SAMD12: variants seen among roughly 807,000 people sequenced by gnomAD.
SAMD12 encodes sterile alpha motif domain containing 12.
In SAMD12, 9 loss-of-function variants were observed where a neutral mutation model predicts 15.0. The ratio of observed to expected loss-of-function variants is 0.60; its 90% CI spans 0.36 to 1.05. The LOEUF is 1.05. Among genes scored for constraint, SAMD12 ranks in the 50% least tolerant of loss-of-function variants. The probability of loss-of-function intolerance (pLI) is 0.01; values close to 1 mark genes in which losing one functional copy is unlikely to be tolerated. For synonymous variants in SAMD12, 86 were observed against 90.1 expected (o/e 0.96, Z 0.25); for missense variants, 230 against 234.2 (o/e 0.98, Z 0.12).
chr8:118,492,064 A>C (rs1194854865), intron 2 of SAMD12, among the ~76,000 whole-genome samples: 1 of 149,526 alleles, frequency 6.7e-6, no homozygotes, highest in Non-Finnish European at 1.5e-5. Context: ...ATCATTTTAC[A>C]TTCTCACTCG....
At chr8:118,343,513 C>T (rs1001184822) in intron 4 of SAMD12, among the ~76,000 whole-genome samples, 4 of 152,012 alleles carry the variant, frequency 2.6e-5, no homozygotes, top group Admixed American at 2.0e-4. Flanking sequence ...TCTAGAGTAT[C>T]CCAGCAGTCA....
chr8:118,412,391 G>A (rs1310615614), intron 3 of SAMD12, among the ~76,000 whole-genome samples: 1 of 152,148 alleles, frequency 6.6e-6, no homozygotes, highest in Non-Finnish European at 1.5e-5. Context: ...GATGAGTCTT[G>A]GGGTGGGAGG....
chr8:118,212,226 C>T (rs1002036176), intron 4 of SAMD12, among the ~76,000 whole-genome samples: 1 of 151,998 alleles, frequency 6.6e-6, no homozygotes, highest in Non-Finnish European at 1.5e-5. Flanking sequence ...TCCCAAACTC[C>T]TGGGCTCAAG....
At chr8:118,418,736 G>C (rs2130836544) in intron 3 of SAMD12, among the ~76,000 whole-genome samples, 1 of 149,628 alleles carries the variant, frequency 6.7e-6, no homozygotes, top group South Asian at 2.1e-4. Context: ...AAAAAGAAAA[G>C]TCAGCCAGTT....
intron 4 of SAMD12, among the ~76,000 whole-genome samples, chr8:118,226,247 G>T (rs571727574): frequency 6.6e-6 from 1 of 152,218 alleles, no homozygotes; most frequent in Admixed American, 6.5e-5. Context: ...AATAACTCAG[G>T]ATTAAAATTC....
chr8:118,448,579 C>A lies in SAMD12; in HGVS notation c.193-8618G>T, dbSNP rs572504615. On this transcript the variant is annotated intron_variant, in intron 2 of 3. Coordinates refer to ENST00000314727, the MANE Select transcript of SAMD12 (RefSeq NM_207506.3). The stretch of plus-strand genomic sequence containing the variant: ...AGAAAACTGGTTCAGGTCCCAGCTG[C>A]GCTCTTGACATTCCCAGGTTGGGAC... 3.9e-5 allele frequency among the ~76,000 whole-genome samples: 6 copies of A among 152,340 alleles called. No individual in the cohort carries two copies. The East Asian group carries it at 1.2e-3, about 29-fold the overall frequency.
At chr8:118,602,938 T>C (rs1268862179) in intron 1 of SAMD12, among the ~76,000 whole-genome samples, 1 of 152,072 alleles carries the variant, frequency 6.6e-6, no homozygotes, top group African/African-American at 2.4e-5. Context: ...AAAATAAAAA[T>C]ATCATTAAGA....
intron 1 of SAMD12, 36 bp from the exon 2 acceptor site, chr8:118,580,929 A>G (rs766859100): frequency 6.5e-7 from 1 of 1,540,796 alleles, no homozygotes; most frequent in South Asian, 1.2e-5. Context: ...CAGAAAACAA[A>G]CCACATAAAG....
At chr8:118,320,582 C>T (rs1001180220) in intron 4 of SAMD12, among the ~76,000 whole-genome samples, 1 of 146,850 alleles carries the variant, frequency 6.8e-6, no homozygotes, top group African/African-American at 2.5e-5. Flanking sequence ...AAACCAAACA[C>T]TGCATGTTCT....
chr8:118,173,783 C>T, the SAMD12 span, among the ~76,000 whole-genome samples: 1 of 151,788 alleles, frequency 6.6e-6, no homozygotes, highest in Admixed American at 6.6e-5. Flanking sequence ...GCACGTGCCA[C>T]CACACCTGGC....
At chr8:118,585,252 A>G (rs1054703776) in intron 1 of SAMD12, among the ~76,000 whole-genome samples, 3 of 152,234 alleles carry the variant, frequency 2.0e-5, no homozygotes, top group Non-Finnish European at 4.4e-5. Context: ...CTACAGAGAA[A>G]GAAAATAGAA....
At chr8:118,386,241 T>C (rs1819949292) in intron 3 of SAMD12, among the ~76,000 whole-genome samples, 2 of 152,216 alleles carry the variant, frequency 1.3e-5, no homozygotes, top group African/African-American at 2.4e-5. Context: ...GCCACACTCC[T>C]TCTGGAAGCT....
At chr8:118,475,443 T>G (rs531552183) in intron 2 of SAMD12, among the ~76,000 whole-genome samples, 1 of 152,122 alleles carries the variant, frequency 6.6e-6, no homozygotes, top group Non-Finnish European at 1.5e-5. Flanking sequence ...TAAACCTCTT[T>G]CTTTACAAAT....
At chr8:118,590,530 C>T (rs917590981) in intron 1 of SAMD12, among the ~76,000 whole-genome samples, 4 of 152,244 alleles carry the variant, frequency 2.6e-5, no homozygotes, top group African/African-American at 9.6e-5. Flanking sequence ...TTCACTATTA[C>T]CCAGCCATAA....
chr8:118,545,936 C>T (rs1416309087), intron 2 of SAMD12, among the ~76,000 whole-genome samples: 1 of 152,138 alleles, frequency 6.6e-6, no homozygotes, highest in East Asian at 1.9e-4. Context: ...AAGCCAGAGC[C>T]CAGGTACTGC....
intron 1 of SAMD12, among the ~76,000 whole-genome samples, chr8:118,619,005 A>G (rs2131329833): frequency 6.6e-6 from 1 of 152,262 alleles, no homozygotes; most frequent in Non-Finnish European, 1.5e-5. Flanking sequence ...GCATTTCTCA[A>G]TAAGTTGGGT....
chr8:118,585,927 A>G (rs1302111066), intron 1 of SAMD12, among the ~76,000 whole-genome samples: 1 of 152,244 alleles, frequency 6.6e-6, no homozygotes, highest in Non-Finnish European at 1.5e-5. Flanking sequence ...CCCAAGAACA[A>G]GTGCATCTTA....
intron 4 of SAMD12, among the ~76,000 whole-genome samples, chr8:118,284,009 T>A (rs565934396): frequency 2.0e-5 from 3 of 152,284 alleles, no homozygotes; most frequent in African/African-American, 7.2e-5. Context: ...GTGGACTCAT[T>A]TTCAAAGAGC....
intron 3 of SAMD12, among the ~76,000 whole-genome samples, chr8:118,438,170 T>C (rs1202553775): frequency 6.6e-6 from 1 of 152,196 alleles, no homozygotes; most frequent in Non-Finnish European, 1.5e-5. Context: ...CCACACTGCC[T>C]TCCGAATTTC....
Sources: allele counts gnomAD v4.1 joint callset (sites outside exome capture counted in the v4.1 genomes callset), GRCh38; gene constraint gnomAD v4.1.1; transcripts MANE v1.5; gene names NCBI Gene and HGNC (gene_info 2026-07-23, HGNC 2026-07-21).